The following DPYD variants were observed in gnomAD, a reference collection of about 807,000 sequenced individuals.
DPYD encodes the protein dihydropyrimidine dehydrogenase [NADP(+)].
A neutral mutation model predicts 116.2 loss-of-function variants in DPYD; 109 were observed. The observed-to-expected ratio is 0.94, with a 90% confidence interval of 0.80 to 1.10. DPYD has a LOEUF of 1.10. DPYD is among the 50% of genes least tolerant of loss of function. The probability of loss-of-function intolerance (pLI) is 0.00; values close to 1 mark genes in which losing one functional copy is unlikely to be tolerated. For missense variants in DPYD, 1,302 were observed against 1,254.5 expected, an observed-to-expected ratio of 1.04 and a Z score of -0.57; for synonymous variants, 440 against 432.0, an observed-to-expected ratio of 1.02 and a Z score of -0.23.
chr1:97,142,588 T>G (rs1654306422), intron 20 of DPYD, among the ~76,000 whole-genome samples: 1 of 152,136 alleles, frequency 6.6e-6, no homozygotes, highest in South Asian at 2.1e-4. Flanking sequence ...TTGTTTCACT[T>G]TCCTTCATCA....
At chr1:97,443,660 AC>A in intron 14 of DPYD, among the ~76,000 whole-genome samples, 2 of 152,324 alleles carry the variant, frequency 1.3e-5, no homozygotes, top group African/African-American at 4.8e-5. Flanking sequence ...CATGCTCTCG[AC>A]GTTCTTTGAT....
chr1:97,593,167 C>G, intron 10 of DPYD, 51 bp downstream of exon 10: 1 of 1,591,436 alleles, frequency 6.3e-7, no homozygotes, highest in Non-Finnish European at 8.6e-7. Context: ...AGTTTCATCT[C>G]CTAAAATCTG....
intron 19 of DPYD, among the ~76,000 whole-genome samples, chr1:97,217,157 G>A (rs570510588): frequency 6.6e-6 from 1 of 152,106 alleles, no homozygotes; most frequent in Non-Finnish European, 1.5e-5. Context: ...GCAGTGAGCC[G>A]AGATCATGCC....
At chr1:97,172,692 C>T (rs1656819396) in intron 20 of DPYD, among the ~76,000 whole-genome samples, 1 of 152,128 alleles carries the variant, frequency 6.6e-6, no homozygotes, top group Admixed American at 6.5e-5. Flanking sequence ...AGGATTTATG[C>T]TAAATGACAA....
intron 1 of DPYD, among the ~76,000 whole-genome samples, chr1:97,889,773 T>C (rs1223799889): frequency 1.3e-5 from 2 of 152,026 alleles, no homozygotes; most frequent in Non-Finnish European, 2.9e-5. Context: ...CAGACATCCA[T>C]ATAACACTCT....
chr1:97,804,304 T>C (rs1667979172), intron 3 of DPYD, among the ~76,000 whole-genome samples: 1 of 151,718 alleles, frequency 6.6e-6, no homozygotes, highest in Admixed American at 6.6e-5. Flanking sequence ...AGATTTTACT[T>C]TACATAAAGA....
chr1:97,449,056 GA>G (rs892024928), intron 14 of DPYD, among the ~76,000 whole-genome samples: 3 of 151,446 alleles, frequency 2.0e-5, no homozygotes, highest in East Asian at 1.9e-4. Context: ...GTCTAAAACA[GA>G]AAAAAAACTT....
intron 3 of DPYD, among the ~76,000 whole-genome samples, chr1:97,775,383 T>C (rs969898898): frequency 6.6e-6 from 1 of 152,180 alleles, no homozygotes; most frequent in Non-Finnish European, 1.5e-5. Context: ...TTTCCCCCCC[T>C]GCTCTTGGTA....
chr1:97,371,790 T>C (rs1269437351), intron 16 of DPYD, among the ~76,000 whole-genome samples: 1 of 152,216 alleles, frequency 6.6e-6, no homozygotes, highest in Non-Finnish European at 1.5e-5. Context: ...TAAACTTGGC[T>C]GATATGAAGA....
intron 8 of DPYD, among the ~76,000 whole-genome samples, chr1:97,669,255 C>T (rs1035521628): frequency 2.0e-5 from 3 of 152,134 alleles, no homozygotes; most frequent in African/African-American, 7.2e-5. Context: ...AAAAATAAAA[C>T]TTTCTTAGAT....
At chr1:97,264,092 T>C (rs1664060383) in intron 18 of DPYD, among the ~76,000 whole-genome samples, 1 of 150,684 alleles carries the variant, frequency 6.6e-6, no homozygotes, top group Admixed American at 6.6e-5. Flanking sequence ...AGCCAGATCA[T>C]GATCTAGATT....
intron 4 of DPYD, among the ~76,000 whole-genome samples, chr1:97,728,327 C>T (rs1663386064): frequency 6.6e-6 from 1 of 152,000 alleles, no homozygotes; most frequent in African/African-American, 2.4e-5. Context: ...ACGACATGTG[C>T]CACTTAGGTG....
At chr1:97,430,520 T>G (rs1162262756) in intron 14 of DPYD, among the ~76,000 whole-genome samples, 1 of 151,286 alleles carries the variant, frequency 6.6e-6, no homozygotes, top group Non-Finnish European at 1.5e-5. Context: ...ACCCAGGAGG[T>G]GGAGGTGGCA....
chr1:97,512,464 T>C (rs1356389949), intron 13 of DPYD, among the ~76,000 whole-genome samples: 1 of 151,892 alleles, frequency 6.6e-6, no homozygotes, highest in Non-Finnish European at 1.5e-5. Flanking sequence ...TAGAAATAAA[T>C]ACTTCTTAGT....
intron 12 of DPYD, among the ~76,000 whole-genome samples, chr1:97,525,758 T>TAG (rs58098297): frequency 0.046 from 5,044 of 108,656 alleles, 283 homozygotes; most frequent in African/African-American, 0.12. Flanking sequence ...CCTGGGTAAT[T>TAG]AGAGAGAGAG....
At chr1:97,891,590 C>T (rs772287185) in intron 1 of DPYD, among the ~76,000 whole-genome samples, 32 of 151,790 alleles carry the variant, frequency 2.1e-4, no homozygotes, top group South Asian at 6.2e-4. Flanking sequence ...AACATACAAA[C>T]TAGAATTATA....
chr1:97,607,205 T>G (rs1035545803), intron 8 of DPYD, among the ~76,000 whole-genome samples: 1 of 151,902 alleles, frequency 6.6e-6, no homozygotes, highest in African/African-American at 2.4e-5. Context: ...CTCAATATAT[T>G]TAGGCATTAA....
chr1:97,848,739 C>CATCTTGAGT (rs1670431081), intron 2 of DPYD, among the ~76,000 whole-genome samples: 1 of 152,280 alleles, frequency 6.6e-6, no homozygotes, highest in South Asian at 2.1e-4. Flanking sequence ...CATTAACCAG[C>CATCTTGAGT]ATCTTGAGTA....
At chr1:97,782,779 T>A (rs1666822024) in intron 3 of DPYD, among the ~76,000 whole-genome samples, 1 of 152,216 alleles carries the variant, frequency 6.6e-6, no homozygotes, top group South Asian at 2.1e-4. Context: ...AGTAAATTAT[T>A]TTCCTTTGAT....
Sources: gnomAD v4.1 joint callset for allele counts (sites outside exome capture counted in the v4.1 genomes callset) on GRCh38, gnomAD v4.1.1 for gene constraint, MANE v1.5 for transcripts, NCBI Gene and HGNC (gene_info 2026-07-23, HGNC 2026-07-21) for gene names.